Variants in RNF123 observed in about 807,000 individuals in gnomAD.
RNF123 encodes ring finger protein 123.
A neutral mutation model predicts 168.5 loss-of-function variants in RNF123; 86 were observed. The ratio of observed to expected loss-of-function variants is 0.51; its 90% confidence interval spans 0.43 to 0.61. The LOEUF (loss-of-function observed/expected upper bound fraction) is 0.61, where lower values mean the gene tolerates loss of function less well. Ranked by LOEUF, RNF123 falls within the 20% of genes least tolerant of loss-of-function variation. RNF123 has a pLI of 0.00. For missense variants in RNF123, 1,419 were observed against 1,729.7 expected (o/e 0.82, Z 3.19); for synonymous variants, 666 against 689.1 (o/e 0.97, Z 0.52).
chr3:49,705,501 C>G, intron 23 of RNF123, 33 bp from the exon 24 acceptor site: 1 of 1,555,822 alleles, frequency 6.4e-7, no homozygotes, highest in Non-Finnish European at 8.7e-7. Flanking sequence ...CGGGATGGCC[C>G]TACCCTTGAC....
At position 49,696,556 on chromosome 3, in the gene RNF123, C is replaced by G. The variant is rs561983275; in HGVS notation, c.168-587C>G. Among the ~76,000 whole-genome samples, 4 of 151,772 alleles carry G rather than the reference C, an allele frequency of 2.6e-5. No individual in the cohort carries two copies. In the East Asian group the frequency reaches 5.8e-4, roughly 22 times the overall value. On this transcript the variant is annotated intron_variant, in intron 3 of 38. Transcript: ENST00000327697. ...ATTTCACCATGTTGGCCAGGCTGGT[C>G]TTGAACTACTGACCTCGTGATCTGC...
chr3:49,717,877 G>A, intron 35 of RNF123: 1 of 1,500,066 alleles, frequency 6.7e-7, no homozygotes, highest in Non-Finnish European at 9.0e-7. Context: ...GTATCTGCCA[G>A]TTCTCTGGAC....
At chr3:49,718,306 G>A (rs1401626695) in intron 35 of RNF123, 3 of 1,613,248 alleles carry the variant, frequency 1.9e-6, no homozygotes, top group Admixed American at 3.3e-5. Context: ...GCCCAGCAGT[G>A]TGGTGAAGCC....
chr3:49,718,374 C>T (rs769465616), intron 35 of RNF123: 1 of 1,613,366 alleles, frequency 6.2e-7, no homozygotes, highest in East Asian at 2.2e-5. Context: ...TGTACTCGTG[C>T]GTCTGGTTGT....
intron 3 of RNF123, among the ~76,000 whole-genome samples, chr3:49,692,858 C>T (rs1192108290): frequency 6.6e-6 from 1 of 152,026 alleles, no homozygotes; most frequent in African/African-American, 2.4e-5. Flanking sequence ...ACCATGTTTT[C>T]TTTATTTATT....
At chr3:49,692,377 A>G (rs1453745764) in intron 3 of RNF123, among the ~76,000 whole-genome samples, 2 of 152,240 alleles carry the variant, frequency 1.3e-5, no homozygotes, top group African/African-American at 2.4e-5. Flanking sequence ...GTAGGTATAT[A>G]TATTTATAGG....
chr3:49,719,525 AC>A (rs980772374), intron 35 of RNF123: 1 of 1,401,304 alleles, frequency 7.1e-7, no homozygotes, highest in African/African-American at 1.4e-5. Context: ...TCCAGGACTC[AC>A]CCTCTTCTGC....
rs779018669 is a variant in RNF123, at chr3:49,699,680, T to C, written c.892T>C (p.Leu298=). ...CCCCTCCACACAGGAGGGGCGGCTG[T>C]TGGACAAGGAGAGCTCCAAGTGGCG... ...VELDPVEGRL[L]DKESSKWRLR... Residue 298 remains leucine (L), a synonymous_variant, in exon 12 of 39, where the codon TTG becomes CTG. Coordinates refer to ENST00000327697, the MANE Select transcript of RNF123 (RefSeq NM_022064.5). The surrounding 1 kb of genome is among the most constrained non-coding windows in gnomAD (Gnocchi z 4.8). The C allele has an allele frequency of 6.2e-7, 1 of 1,613,812 alleles. No homozygotes were observed. The highest frequency in any genetic ancestry group is 8.5e-7 in the Non-Finnish European group (1 of 1,179,984).
Position 49,699,250 on chromosome 3 carries a change from G to C in RNF123, c.764+145G>C. On this transcript the variant is annotated intron_variant, in intron 10 of 38. Transcript: ENST00000327697. This position sits in a 1 kb window ranked among gnomAD's most constrained non-coding sequence, Gnocchi z 4.8. ...GTGGGGGGCCATGTAGAGTGTCGAA[G>C]AAAACTTTCCTCGCAGCAGCCTGGT... The C allele has an allele frequency of 8.0e-7, 1 of 1,243,278 alleles. No individual in the cohort carries two copies. The highest frequency in any genetic ancestry group is 1.1e-6 in the Non-Finnish European group (1 of 905,808). The allele number at this position is 1,243,278 out of a possible 1,614,324, so 77.0% of individuals were successfully genotyped here. A position where few individuals can be genotyped will look rare whatever the true frequency, so the allele number is the denominator to read the frequency against.
chr3:49,716,129 A>G lies in RNF123; in HGVS notation c.3367A>G (p.Thr1123Ala). ...QLLNQVLNRV[T>A]AERNLFDRVV... is the part of the protein sequence containing the mutation. The stretch of plus-strand genomic sequence containing the variant: ...GCTAAACCAGGTGCTGAACCGGGTG[A>G]CAGCTGAGAGGAACCTGTTTGATCG... The change falls in exon 34 of 39, where the codon ACA becomes GCA. Residue 1123 changes from threonine (T) to alanine (A), a missense_variant. Around this residue, in one of 5 missense-constraint regions of RNF123, gnomAD observed 538 missense variants for 708.8 expected, o/e 0.76. Transcript: ENST00000327697. 1 of 1,613,748 alleles carries G rather than the reference A, an allele frequency of 6.2e-7. No homozygotes were observed. Among genetic ancestry groups the G allele is most frequent in the Non-Finnish European group, 8.5e-7 (1 of 1,179,952 alleles).
chr3:49,699,389 C>T lies in RNF123; in HGVS notation c.765-79C>T, dbSNP rs897878396. 3.1e-5 allele frequency: 40 copies of T among 1,300,200 alleles called. No homozygotes were observed. The highest frequency in any genetic ancestry group is 1.9e-4 in the Middle Eastern group (1 of 5,294). The allele number at this position is 1,300,200 out of a possible 1,614,324, so 80.5% of individuals were successfully genotyped here. A position where few individuals can be genotyped will look rare whatever the true frequency, so the allele number is the denominator to read the frequency against. The stretch of plus-strand genomic sequence containing the variant: ...CAGCCCTGCCCTAGAGCCCAGGCCC[C>T]GGGGTGGGGGGTGGGCAGTGGAGAG... On this transcript the variant is annotated intron_variant, in intron 10 of 38. Coordinates refer to ENST00000327697, the MANE Select transcript of RNF123 (RefSeq NM_022064.5). This position sits in a 1 kb window ranked among gnomAD's most constrained non-coding sequence, Gnocchi z 4.8.
At chr3:49,703,354 G>C (rs2054445966) in intron 20 of RNF123, 73 bp from the exon 21 acceptor site, 1 of 1,240,950 alleles carries the variant, frequency 8.1e-7, no homozygotes, top group Non-Finnish European at 1.2e-6. Flanking sequence ...AGGCCAGATT[G>C]GAGGGGAGGG....
rs551937200 is a variant in RNF123, at chr3:49,700,685, G to A, written c.1253G>A (p.Arg418His). Residue 418 changes from arginine to histidine, a missense_variant, in exon 15 of 39, where the codon CGC becomes CAC. Around this residue, in one of 5 missense-constraint regions of RNF123, gnomAD observed 349 missense variants for 344.9 expected, o/e 1.01. Transcript: ENST00000327697. ...TIAILRHEKSRKFLLSNVLFD... is the reference protein window; with the variant it reads ...TIAILRHEKSHKFLLSNVLFD... ...GCCATCCTGAGGCATGAGAAGTCCC[G>A]CAAGTTTCTGCTTAGCAATGTCCTG... The A allele has an allele frequency of 8.1e-6, 13 of 1,614,046 alleles. No individual in the cohort carries two copies. The highest frequency in any genetic ancestry group is 8.0e-5 in the African/African-American group (6 of 74,922).
intron 12 of RNF123, 154 bp from the exon 13 acceptor site, chr3:49,700,073 C>T: frequency 9.2e-7 from 1 of 1,084,924 alleles, no homozygotes; most frequent in Non-Finnish European, 1.3e-6. Flanking sequence ...TCTTGTCCCT[C>T]AGTCAGACCC....
chr3:49,691,637 G>C lies in RNF123; in HGVS notation c.167+128G>C, dbSNP rs1274603070. On this transcript the variant is annotated intron_variant, in intron 3 of 38. Transcript: ENST00000327697. ...TAGGCTCTGTTCTCACTGTGCTCCT[G>C]GCTGCGAGATCTCTGGCCAGAGAGT... is the stretch of plus-strand genomic sequence containing the variant. 3 of 836,346 alleles carry C rather than the reference G, an allele frequency of 3.6e-6. No homozygotes were observed. The African/African-American group carries it at 5.0e-5, about 14-fold the overall frequency. 51.8% of individuals were successfully genotyped at this position (836,346 alleles called of 1,614,324 possible).
intron 16 of RNF123, 58 bp downstream of exon 16, chr3:49,701,666 T>C (rs1177230165): frequency 6.6e-7 from 1 of 1,508,100 alleles, no homozygotes; most frequent in Non-Finnish European, 9.2e-7. Flanking sequence ...GGCCTGGGCA[T>C]CTGGCCACTG....
chr3:49,709,457 C>T lies in RNF123; in HGVS notation c.2496+2559C>T, dbSNP rs2080099925. Among the ~76,000 whole-genome samples, 3 of 152,220 alleles carry T rather than the reference C, an allele frequency of 2.0e-5. 1 individual carries two copies. In the Middle Eastern group the frequency reaches 0.01, roughly 518 times the overall value. On this transcript the variant is annotated intron_variant, in intron 26 of 38. Transcript: ENST00000327697. ...CTGGGACTACAGGCGCCTGCCACCA[C>T]GCCCGGCTAATTTTTTGTATTTTTA... is the stretch of plus-strand genomic sequence containing the variant.
At chr3:49,695,908 G>T (rs901125586) in intron 3 of RNF123, among the ~76,000 whole-genome samples, 3 of 152,192 alleles carry the variant, frequency 2.0e-5, no homozygotes, top group African/African-American at 7.2e-5. Context: ...AGAGGATGAG[G>T]GGGCCACCCA....
chr3:49,696,642 CTT>C (rs35074575), intron 3 of RNF123, among the ~76,000 whole-genome samples: 6 of 117,948 alleles, frequency 5.1e-5, no homozygotes, highest in African/African-American at 9.7e-5. Flanking sequence ...TGGCCACATA[CTT>C]TTTTTTTTTT....
Sources: allele counts gnomAD v4.1 joint callset (sites outside exome capture counted in the v4.1 genomes callset), GRCh38; gene constraint gnomAD v4.1.1; regional missense constraint gnomAD v4.1.1; non-coding constraint Gnocchi (gnomAD v3.1); transcripts MANE v1.5; gene names NCBI Gene and HGNC (gene_info 2026-07-23, HGNC 2026-07-21).